JAKMIP2: variants seen among roughly 807,000 people sequenced by gnomAD.
JAKMIP2 encodes janus kinase and microtubule-interacting protein 2.
In JAKMIP2, 25 loss-of-function variants were observed where a neutral mutation model predicts 115.0. The observed-to-expected ratio is 0.22, with a 90% CI of 0.16 to 0.30. The LOEUF (loss-of-function observed/expected upper bound fraction) is 0.30. Among genes scored for constraint, JAKMIP2 ranks in the 10% least tolerant of loss-of-function variants. The probability of loss-of-function intolerance (pLI) is 1.00; values close to 1 mark genes in which losing one functional copy is unlikely to be tolerated. For synonymous variants in JAKMIP2, 334 were observed against 343.6 expected, an observed-to-expected ratio of 0.97 and a Z score of 0.31; for missense variants, 642 against 957.6, an observed-to-expected ratio of 0.67 and a Z score of 4.35.
intron 3 of JAKMIP2, among the ~76,000 whole-genome samples, chr5:147,659,091 A>G (rs1758829158): frequency 7.5e-6 from 1 of 133,132 alleles, no homozygotes; most frequent in South Asian, 2.4e-4. Context: ...TCGCTGGAGT[A>G]TGAAAAAAAA....
intron 8 of JAKMIP2, 150 bp from the exon 9 acceptor site, chr5:147,640,973 G>C: frequency 1.7e-6 from 1 of 580,114 alleles, no homozygotes; most frequent in Admixed American, 3.7e-5. Context: ...TTAGGCATGA[G>C]CATAATTCCA....
At chr5:147,680,696 C>T (rs1760213695) in intron 1 of JAKMIP2, among the ~76,000 whole-genome samples, 3 of 152,118 alleles carry the variant, frequency 2.0e-5, no homozygotes, top group Admixed American at 1.3e-4. Context: ...GCAGTGACAT[C>T]CTGTCACTTG....
intron 7 of JAKMIP2, among the ~76,000 whole-genome samples, chr5:147,643,311 T>G (rs1002942510): frequency 6.6e-6 from 1 of 152,120 alleles, no homozygotes; most frequent in Non-Finnish European, 1.5e-5. Flanking sequence ...TGGCAGTGAA[T>G]CACTTTTCTC....
At chr5:147,621,897 C>T (rs757044783) in intron 17 of JAKMIP2, among the ~76,000 whole-genome samples, 1 of 151,878 alleles carries the variant, frequency 6.6e-6, no homozygotes, top group Non-Finnish European at 1.5e-5. Flanking sequence ...GACAGAGCTT[C>T]GCTCTTGTTG....
At chr5:147,683,779 G>A (rs1380422308) in intron 1 of JAKMIP2, among the ~76,000 whole-genome samples, 1 of 152,028 alleles carries the variant, frequency 6.6e-6, no homozygotes, top group African/African-American at 2.4e-5. Flanking sequence ...ATGTGTGCCT[G>A]CTACTTAAAA....
chr5:147,726,685 G>T (rs1218425988), intron 1 of JAKMIP2, among the ~76,000 whole-genome samples: 1 of 152,188 alleles, frequency 6.6e-6, no homozygotes, highest in Non-Finnish European at 1.5e-5. Context: ...GTTAAAGCCA[G>T]CCTGGCAAGT....
chr5:147,700,741 T>C (rs1311686490), intron 1 of JAKMIP2, among the ~76,000 whole-genome samples: 1 of 152,214 alleles, frequency 6.6e-6, no homozygotes, highest in Non-Finnish European at 1.5e-5. Flanking sequence ...ACTGCTGATC[T>C]TCAGATCACC....
chr5:147,609,269 G>A (rs558659780), intron 20 of JAKMIP2, among the ~76,000 whole-genome samples: 26 of 152,240 alleles, frequency 1.7e-4, no homozygotes, highest in African/African-American at 5.8e-4. Flanking sequence ...TCTTCATAGC[G>A]TTGACGGTCT....
chr5:147,723,677 A>G (rs1010289961), intron 1 of JAKMIP2, among the ~76,000 whole-genome samples: 1 of 152,190 alleles, frequency 6.6e-6, no homozygotes, highest in African/African-American at 2.4e-5. Flanking sequence ...TATTTTTAGC[A>G]ATTACAGCTC....
In JAKMIP2 at chr5:147,591,554, A is replaced by G; in HGVS notation, c.*153T>C. 1.2e-6 allele frequency: 1 copy of G among 804,254 alleles called. No individual in the cohort carries two copies. Among genetic ancestry groups the G allele is most frequent in the Non-Finnish European group, 2.1e-6 (1 of 473,934 alleles). The allele number at this position is 804,254 out of a possible 1,614,324, so 49.8% of individuals were successfully genotyped here. Reference sequence around the variant, plus strand: ...AAACCTTGAATAATGGCTTTAAAATACACAGTTGTAGTCCTGGCTACAGGG... The same window carrying G: ...AAACCTTGAATAATGGCTTTAAAATGCACAGTTGTAGTCCTGGCTACAGGG... On this transcript the variant is annotated 3_prime_UTR_variant, in exon 22 of 22. Transcript: ENST00000616793.
At chr5:147,702,668 G>A (rs372329128) in intron 1 of JAKMIP2, among the ~76,000 whole-genome samples, 2,300 of 100,572 alleles carry the variant, frequency 0.023, 116 homozygotes, top group African/African-American at 0.038. Flanking sequence ...AAGAAAGAGA[G>A]AGAAAGAAAG....
At chr5:147,667,446 T>C (rs540772475) in intron 2 of JAKMIP2, among the ~76,000 whole-genome samples, 1 of 152,282 alleles carries the variant, frequency 6.6e-6, no homozygotes, top group African/African-American at 2.4e-5. Flanking sequence ...TGATTTGAGC[T>C]TCAAAAGTGA....
intron 1 of JAKMIP2, among the ~76,000 whole-genome samples, chr5:147,690,262 G>T (rs1760764991): frequency 6.6e-6 from 1 of 151,992 alleles, no homozygotes; most frequent in Non-Finnish European, 1.5e-5. Flanking sequence ...GAGCCCAGAA[G>T]GTTGAGGGTG....
intron 19 of JAKMIP2, among the ~76,000 whole-genome samples, chr5:147,613,285 G>A (rs1184514634): frequency 6.6e-6 from 1 of 152,026 alleles, no homozygotes; most frequent in African/African-American, 2.4e-5. Flanking sequence ...CCTCTGTAGG[G>A]AATAATTAGA....
chr5:147,742,155 A>ATATATATATATATATATATATATATT, intron 1 of JAKMIP2, among the ~76,000 whole-genome samples: 3 of 108,906 alleles, frequency 2.8e-5, no homozygotes, highest in East Asian at 3.3e-4. Flanking sequence ...ATATATATAT[A>ATATATATATATATATATATATATATT]TTTTTTTTAC....
At chr5:147,708,782 A>G (rs7713108) in intron 1 of JAKMIP2, among the ~76,000 whole-genome samples, 35,413 of 152,114 alleles carry the variant, frequency 0.23, 4,363 homozygotes, top group East Asian at 0.41. Flanking sequence ...GACCTCAAAG[A>G]TTCACAACAT....
intron 1 of JAKMIP2, among the ~76,000 whole-genome samples, chr5:147,724,384 G>T (rs1753433248): frequency 6.6e-6 from 1 of 152,094 alleles, no homozygotes; most frequent in Non-Finnish European, 1.5e-5. Context: ...ATATGGCAAG[G>T]TGTTATATAG....
At chr5:147,693,287 G>C (rs1424300586) in intron 1 of JAKMIP2, among the ~76,000 whole-genome samples, 1 of 152,174 alleles carries the variant, frequency 6.6e-6, no homozygotes, top group Non-Finnish European at 1.5e-5. Flanking sequence ...CTCCCTCACA[G>C]AGTAGTTGTT....
intron 4 of JAKMIP2, 31 bp from the exon 5 acceptor site, chr5:147,648,505 T>C (rs933803502): frequency 2.1e-5 from 25 of 1,202,510 alleles, no homozygotes; most frequent in Non-Finnish European, 3.1e-5. Flanking sequence ...GGGTATTTCT[T>C]CAACAACACT....
Sources: allele counts gnomAD v4.1 joint callset (sites outside exome capture counted in the v4.1 genomes callset), GRCh38; gene constraint gnomAD v4.1.1; transcripts MANE v1.5; gene names NCBI Gene and HGNC (gene_info 2026-07-23, HGNC 2026-07-21).